Variants in STXBP4 observed in about 807,000 individuals in gnomAD.
STXBP4 encodes the protein syntaxin binding protein 4.
A neutral mutation model predicts 76.1 loss-of-function variants in STXBP4; 55 were observed. That is an observed-to-expected ratio of 0.72 (90% CI 0.58 to 0.91). The LOEUF (loss-of-function observed/expected upper bound fraction) is 0.91, where lower values mean the gene tolerates loss of function less well. Ranked by LOEUF, STXBP4 falls within the 40% of genes least tolerant of loss-of-function variation. The probability of loss-of-function intolerance (pLI) is 0.00; values close to 1 mark genes in which losing one functional copy is unlikely to be tolerated. For synonymous variants in STXBP4, 201 were observed against 220.2 expected (o/e 0.91, Z 0.77); for missense variants, 618 against 636.9 (o/e 0.97, Z 0.32).
chr17:55,205,486 T>G, the STXBP4 span, among the ~76,000 whole-genome samples: 1 of 151,830 alleles, frequency 6.6e-6, no homozygotes, highest in Non-Finnish European at 1.5e-5. Context: ...CCATAAGCAG[T>G]GTTAAAAGGT....
rs76629456 is a variant in STXBP4, at chr17:54,971,969, G to A, written c.-157+3154G>A. 7.7e-3 allele frequency among the ~76,000 whole-genome samples: 1,170 copies of A among 152,094 alleles called. 20 individuals carry two copies. Among genetic ancestry groups the A allele is most frequent in the African/African-American group, 0.027 (1,104 of 41,474 alleles). On this transcript the variant is annotated intron_variant, in intron 1 of 17. Transcript: ENST00000376352. ...TTTTTGAGGAATACAGGCTGGTTAC[G>A]TGATTAAATGTGCCTCAATATAGGT...
chr17:55,141,283 T>C (rs756604601), intron 16 of STXBP4, 27 bp from the exon 17 acceptor site: 1 of 1,581,618 alleles, frequency 6.3e-7, no homozygotes, highest in Non-Finnish European at 8.7e-7. Context: ...TCTTATTAAA[T>C]ATATTTTTGG....
the STXBP4 span, among the ~76,000 whole-genome samples, chr17:55,205,916 A>G: frequency 6.6e-6 from 1 of 152,100 alleles, no homozygotes; most frequent in African/African-American, 2.4e-5. Flanking sequence ...CATATACTGA[A>G]GCATTATTTC....
At chr17:55,010,255 TATA>T (rs1414714971) in intron 8 of STXBP4, among the ~76,000 whole-genome samples, 1 of 151,964 alleles carries the variant, frequency 6.6e-6, no homozygotes, top group Non-Finnish European at 1.5e-5. Flanking sequence ...ATGTCATATA[TATA>T]TATATACACA....
intron 16 of STXBP4, among the ~76,000 whole-genome samples, chr17:55,091,256 A>G (rs528812410): frequency 3.9e-5 from 6 of 152,306 alleles, no homozygotes; most frequent in East Asian, 1.9e-4. Flanking sequence ...TTTGCAGTAT[A>G]TATCAAGAGC....
At chr17:55,095,606 AGT>A (rs1167956876) in intron 16 of STXBP4, among the ~76,000 whole-genome samples, 1 of 152,214 alleles carries the variant, frequency 6.6e-6, no homozygotes, top group Non-Finnish European at 1.5e-5. Flanking sequence ...TCAACAACAG[AGT>A]ATTAATATTA....
intron 16 of STXBP4, among the ~76,000 whole-genome samples, chr17:55,135,831 A>C (rs1337111860): frequency 6.6e-6 from 1 of 152,130 alleles, no homozygotes; most frequent in East Asian, 1.9e-4. Context: ...TTGGGAATCT[A>C]GTTTACTTTT....
the STXBP4 span, among the ~76,000 whole-genome samples, chr17:55,194,085 A>G: frequency 2.5e-3 from 377 of 152,212 alleles, 2 homozygotes; most frequent in African/African-American, 8.1e-3. Context: ...AGCACCTTAC[A>G]CATATGCCTG....
chr17:55,043,778 AAC>A (rs2078744246), intron 11 of STXBP4: 4 of 766,072 alleles, frequency 5.2e-6, no homozygotes, highest in East Asian at 5.6e-5. Context: ...AGAGGAAAAA[AAC>A]ACACATATCC....
chr17:55,136,862 TAA>T (rs1196471164), intron 16 of STXBP4, among the ~76,000 whole-genome samples: 9 of 152,108 alleles, frequency 5.9e-5, no homozygotes, highest in Admixed American at 5.9e-4. Context: ...GTTTCCCCTA[TAA>T]ACACTTTCCT....
At chr17:55,008,937 C>G (rs2078055852) in intron 8 of STXBP4, among the ~76,000 whole-genome samples, 1 of 152,204 alleles carries the variant, frequency 6.6e-6, no homozygotes. Context: ...TCATTCAGTT[C>G]CATCTCCTTC....
chr17:55,183,411 C>T, the STXBP4 span, among the ~76,000 whole-genome samples: 1 of 152,028 alleles, frequency 6.6e-6, no homozygotes, highest in Non-Finnish European at 1.5e-5. Flanking sequence ...GACAGCAAGA[C>T]CCAGTCTCTA....
chr17:54,995,067 A>G (rs780252141), intron 4 of STXBP4, among the ~76,000 whole-genome samples: 4 of 152,190 alleles, frequency 2.6e-5, no homozygotes, highest in Non-Finnish European at 4.4e-5. Context: ...CTGAACCACA[A>G]GACAGTATGT....
intron 7 of STXBP4, among the ~76,000 whole-genome samples, chr17:55,005,255 A>G (rs979390166): frequency 1.3e-5 from 2 of 152,194 alleles, no homozygotes; most frequent in Admixed American, 6.5e-5. Flanking sequence ...GAGCAAACTG[A>G]TTATGAAAGA....
At chr17:55,136,075 CA>C (rs1367703634) in intron 16 of STXBP4, among the ~76,000 whole-genome samples, 1 of 152,094 alleles carries the variant, frequency 6.6e-6, no homozygotes, top group Admixed American at 6.6e-5. Context: ...AGGTTAATAA[CA>C]ATATCTATCT....
intron 4 of STXBP4, among the ~76,000 whole-genome samples, chr17:54,998,855 A>T (rs199805378): frequency 1.6e-4 from 22 of 137,424 alleles, no homozygotes; most frequent in East Asian, 4.5e-4. Context: ...TTTTTTTTTT[A>T]AAAACCCTTG....
intron 16 of STXBP4, among the ~76,000 whole-genome samples, chr17:55,103,437 T>C (rs2079590223): frequency 6.6e-6 from 1 of 152,156 alleles, no homozygotes; most frequent in Non-Finnish European, 1.5e-5. Flanking sequence ...AATCAGATGG[T>C]TGTAGTGTAT....
chr17:55,043,504 T>C (rs1435463081), intron 11 of STXBP4, 179 bp downstream of exon 11: 1 of 987,832 alleles, frequency 1.0e-6, no homozygotes, highest in Non-Finnish European at 1.5e-6. Flanking sequence ...ATTTTTGGTC[T>C]ACATATTTAT....
intron 8 of STXBP4, among the ~76,000 whole-genome samples, chr17:55,025,104 G>A (rs1197889768): frequency 2.0e-5 from 3 of 151,812 alleles, no homozygotes; most frequent in Non-Finnish European, 4.4e-5. Context: ...TCTCACCACT[G>A]TACTCCAGCC....
Sources: allele counts gnomAD v4.1 joint callset (sites outside exome capture counted in the v4.1 genomes callset), GRCh38; gene constraint gnomAD v4.1.1; transcripts MANE v1.5; gene names NCBI Gene and HGNC (gene_info 2026-07-23, HGNC 2026-07-21).